The following BRINP3 variants were observed in gnomAD, a reference collection of about 807,000 sequenced individuals.
The protein encoded by BRINP3 is BMP/retinoic acid-inducible neural-specific protein 3.
Under a neutral mutation model 71.0 loss-of-function variants are expected in BRINP3, and 19 were observed. That is an observed-to-expected ratio of 0.27 (90% CI 0.19 to 0.39). The LOEUF is 0.39. BRINP3 is among the 10% of genes least tolerant of loss of function. BRINP3 has a pLI of 1.00. For missense variants in BRINP3, 959 were observed against 940.8 expected, an observed-to-expected ratio of 1.02 and a Z score of -0.25; for synonymous variants, 380 against 337.7, an observed-to-expected ratio of 1.13 and a Z score of -1.37.
chr1:190,293,925 G>A (rs544805744), intron 2 of BRINP3, among the ~76,000 whole-genome samples: 21 of 152,066 alleles, frequency 1.4e-4, no homozygotes, highest in African/African-American at 4.8e-4. Context: ...AGGTAAAGTG[G>A]ATTGTTTGTA....
chr1:190,218,488 C>A (rs942544253), intron 6 of BRINP3, among the ~76,000 whole-genome samples: 3 of 151,872 alleles, frequency 2.0e-5, no homozygotes, highest in African/African-American at 7.3e-5. Context: ...TGAGGTAACA[C>A]TGGATGTTAT....
intron 4 of BRINP3, among the ~76,000 whole-genome samples, chr1:190,247,112 T>G (rs1426954335): frequency 1.3e-5 from 2 of 151,974 alleles, no homozygotes; most frequent in Non-Finnish European, 2.9e-5. Context: ...CCTATTGTTA[T>G]GCTAAATTTT....
At chr1:190,158,803 CT>C (rs1199990500) in intron 7 of BRINP3, among the ~76,000 whole-genome samples, 1 of 146,890 alleles carries the variant, frequency 6.8e-6, no homozygotes, top group Admixed American at 6.8e-5. Flanking sequence ...ATCAAGAAAA[CT>C]AAAAGTTAGT....
intron 2 of BRINP3, among the ~76,000 whole-genome samples, chr1:190,320,840 T>G (rs1412750334): frequency 3.3e-5 from 5 of 151,924 alleles, no homozygotes; most frequent in African/African-American, 9.7e-5. Flanking sequence ...ACGTACAAAC[T>G]CCACACAGAC....
At chr1:190,156,601 G>A (rs775797363) in intron 7 of BRINP3, among the ~76,000 whole-genome samples, 2 of 151,722 alleles carry the variant, frequency 1.3e-5, no homozygotes, top group Non-Finnish European at 2.9e-5. Context: ...TACATTGGCA[G>A]TAAAAGAAAA....
intron 2 of BRINP3, among the ~76,000 whole-genome samples, chr1:190,438,076 A>T (rs1266161094): frequency 6.6e-6 from 1 of 151,298 alleles, no homozygotes. Flanking sequence ...CCAAGTTAAT[A>T]ATCTCTAAAA....
At chr1:190,240,571 T>C (rs1010736932) in intron 4 of BRINP3, among the ~76,000 whole-genome samples, 1 of 151,914 alleles carries the variant, frequency 6.6e-6, no homozygotes, top group Non-Finnish European at 1.5e-5. Flanking sequence ...AATTAGGGTA[T>C]TAAAACTCTC....
At chr1:190,234,315 C>A in intron 5 of BRINP3, 57 bp downstream of exon 5, 1 of 1,310,630 alleles carries the variant, frequency 7.6e-7, no homozygotes, top group African/African-American at 1.5e-5. Context: ...AAAGAAATCA[C>A]GACTGGATAA....
At chr1:190,106,321 A>G (rs956497419) in intron 7 of BRINP3, among the ~76,000 whole-genome samples, 2 of 151,834 alleles carry the variant, frequency 1.3e-5, no homozygotes, top group African/African-American at 4.8e-5. Flanking sequence ...TCATAATTTT[A>G]TTATCATAAA....
At chr1:190,435,034 GA>G in intron 2 of BRINP3, among the ~76,000 whole-genome samples, 1 of 152,004 alleles carries the variant, frequency 6.6e-6, no homozygotes, top group East Asian at 1.9e-4. Context: ...GGAGAAAATA[GA>G]AAAAAAGTAT....
At chr1:190,349,283 C>A (rs1668218858) in intron 2 of BRINP3, among the ~76,000 whole-genome samples, 2 of 151,972 alleles carry the variant, frequency 1.3e-5, no homozygotes, top group African/African-American at 2.4e-5. Context: ...CTAAATTTCA[C>A]CAACTTTAAA....
At chr1:190,345,288 A>G (rs1184582970) in intron 2 of BRINP3, among the ~76,000 whole-genome samples, 2 of 151,796 alleles carry the variant, frequency 1.3e-5, no homozygotes, top group African/African-American at 4.8e-5. Flanking sequence ...TGAAAGATCT[A>G]AATCCAGATT....
At chr1:190,348,063 A>T (rs1279511869) in intron 2 of BRINP3, among the ~76,000 whole-genome samples, 1 of 152,132 alleles carries the variant, frequency 6.6e-6, no homozygotes, top group African/African-American at 2.4e-5. Context: ...GCAAAGTATT[A>T]CTCACTTCAC....
chr1:190,139,941 C>T (rs1052530881), intron 7 of BRINP3, among the ~76,000 whole-genome samples: 4 of 152,004 alleles, frequency 2.6e-5, no homozygotes, highest in Non-Finnish European at 4.4e-5. Context: ...AAAATACAAA[C>T]GTAAGCGAAT....
rs1651394727 is a variant in BRINP3, at chr1:190,098,475, C to T, written c.1844G>A (p.Gly615Glu). The T allele has an allele frequency of 1.2e-6, 2 of 1,613,896 alleles. No homozygotes were observed. Among genetic ancestry groups the T allele is most frequent in the African/African-American group, 1.3e-5 (1 of 74,868 alleles). The change falls in exon 8 of 8, where the codon GGG becomes GAG. Residue 615 changes from glycine (G) to glutamate (E), a missense_variant. By Grantham distance (98) the Gly-to-Glu change is moderately conservative. Coordinates refer to ENST00000367462, the MANE Select transcript of BRINP3 (RefSeq NM_199051.3). ...CTCAAAAAATGTCTTCCATTTGTTC[C>T]CCAGAGTTAATGTCCAGTTATAACA... Reference protein sequence around the residue: ...LQCYNWTLTLGNKWKTFFETV... With the variant: ...LQCYNWTLTLENKWKTFFETV...
intron 6 of BRINP3, among the ~76,000 whole-genome samples, chr1:190,213,320 C>T (rs774215691): frequency 1.3e-5 from 2 of 151,992 alleles, no homozygotes; most frequent in Non-Finnish European, 2.9e-5. Flanking sequence ...GATTTCACAA[C>T]CAATACACAA....
At chr1:190,113,196 A>C (rs546886988) in intron 7 of BRINP3, among the ~76,000 whole-genome samples, 1 of 152,184 alleles carries the variant, frequency 6.6e-6, no homozygotes, top group African/African-American at 2.4e-5. Flanking sequence ...AATAGTCCCT[A>C]TGTACTAATT....
At chr1:190,271,015 T>C (rs528572816) in intron 3 of BRINP3, among the ~76,000 whole-genome samples, 29 of 151,800 alleles carry the variant, frequency 1.9e-4, no homozygotes, top group African/African-American at 6.5e-4. Context: ...AATTGGACAT[T>C]AGTTTTGCCT....
intron 4 of BRINP3, among the ~76,000 whole-genome samples, chr1:190,249,653 T>A (rs2102808437): frequency 6.6e-6 from 1 of 151,966 alleles, no homozygotes; most frequent in Middle Eastern, 3.4e-3. Flanking sequence ...TCCATTTGGT[T>A]TTCAAACTTT....
Sources: allele counts gnomAD v4.1 joint callset (sites outside exome capture counted in the v4.1 genomes callset), GRCh38; gene constraint gnomAD v4.1.1; transcripts MANE v1.5; gene names NCBI Gene and HGNC (gene_info 2026-07-23, HGNC 2026-07-21).